The following LRIG1 variants were observed in gnomAD, a reference collection of about 807,000 sequenced individuals.
The protein encoded by LRIG1 is leucine rich repeats and immunoglobulin like domains 1.
A neutral mutation model predicts 99.2 loss-of-function variants in LRIG1; 48 were observed. The observed-to-expected ratio is 0.48, with a 90% CI of 0.38 to 0.62. The LOEUF is 0.62. Ranked by LOEUF, LRIG1 falls within the 20% of genes least tolerant of loss-of-function variation. The probability of loss-of-function intolerance (pLI) is 0.00; values close to 1 mark genes in which losing one functional copy is unlikely to be tolerated. For synonymous variants in LRIG1, 772 were observed against 596.1 expected (o/e 1.29, Z -4.30); for missense variants, 1,646 against 1,434.4 (o/e 1.15, Z -2.38).
At position 66,380,153 on chromosome 3, in the gene LRIG1, A is replaced by T. The variant is rs1214174503; in HGVS notation, c.*110T>A. The T allele has an allele frequency of 2.5e-6, 2 of 797,442 alleles. No individual in the cohort carries two copies. Among genetic ancestry groups the T allele is most frequent in the Non-Finnish European group, 3.9e-6 (2 of 509,042 alleles). The allele number at this position is 797,442 out of a possible 1,614,324, so 49.4% of individuals were successfully genotyped here. A position where few individuals can be genotyped will look rare whatever the true frequency, so the allele number is the denominator to read the frequency against. ...GTGAGCGACTGATACTCCACATGGG[A>T]GTTACAACTATGTACAGATGAGTGA... On this transcript the variant is annotated 3_prime_UTR_variant, in exon 19 of 19. Transcript: ENST00000273261.
intron 1 of LRIG1, among the ~76,000 whole-genome samples, chr3:66,471,320 C>G (rs1700590196): frequency 6.6e-6 from 1 of 152,236 alleles, no homozygotes; most frequent in Non-Finnish European, 1.5e-5. Flanking sequence ...CACTAACTTT[C>G]ACATAGTCCT....
At position 66,383,145 on chromosome 3, in the gene LRIG1, G is replaced by C. The variant is rs140644137; in HGVS notation, c.2328C>G (p.Ser776Arg). 2 of 1,614,260 alleles carry C rather than the reference G, an allele frequency of 1.2e-6. No homozygotes were observed. Among genetic ancestry groups the C allele is most frequent in the African/African-American group, 2.7e-5 (2 of 75,076 alleles). ...SNTLGTERAH[S>R]QLSVLPAAGC... ...CTGCTGCGGGCAGGACGCTCAGCTGGCTGTGAGCTCGCTCCGTGCCCAGGG... is the reference window on the plus strand; with the variant it reads ...CTGCTGCGGGCAGGACGCTCAGCTGCCTGTGAGCTCGCTCCGTGCCCAGGG... The change falls in exon 15 of 19, where the codon AGC becomes AGG. Residue 776 changes from serine to arginine, a missense_variant. By Grantham distance (110) the Ser-to-Arg change is moderately radical (BLOSUM62 -1). Transcript: ENST00000273261.
chr3:66,487,720 G>A (rs1240302491), intron 1 of LRIG1, among the ~76,000 whole-genome samples: 1 of 152,188 alleles, frequency 6.6e-6, no homozygotes, highest in Non-Finnish European at 1.5e-5. Flanking sequence ...GTAACAGGGA[G>A]AGTGTGTGAC....
chr3:66,428,867 C>A (rs906731721), intron 3 of LRIG1, among the ~76,000 whole-genome samples: 6 of 152,234 alleles, frequency 3.9e-5, no homozygotes, highest in African/African-American at 1.4e-4. Flanking sequence ...CTCTCTCTTG[C>A]TTGTTCCCTC....
intron 11 of LRIG1, 140 bp from the exon 12 acceptor site, chr3:66,394,343 A>C: frequency 2.7e-6 from 2 of 729,248 alleles, no homozygotes; most frequent in Non-Finnish European, 4.4e-6. Flanking sequence ...GGTTTTTCTC[A>C]CACTTCCTCT....
chr3:66,381,271 T>A lies in LRIG1; in HGVS notation c.2770+208A>T, dbSNP rs548922955. On this transcript the variant is annotated intron_variant, in intron 17 of 18. Transcript: ENST00000273261. ...GTTGCTTATACATCTAGAAAATTCA[T>A]GCTCAGGCTTACCATGGCGTAGATT... Among the ~76,000 whole-genome samples the A allele has an allele frequency of 2.6e-5, 4 of 152,308 alleles. No individual in the cohort carries two copies. The South Asian group carries it at 8.3e-4, about 32-fold the overall frequency.
chr3:66,380,267 C>T lies in LRIG1; in HGVS notation c.3278G>A (p.Ser1093Asn). The T allele has an allele frequency of 2.5e-6, 4 of 1,610,016 alleles. No homozygotes were observed. Among genetic ancestry groups the T allele is most frequent in the Non-Finnish European group, 3.4e-6 (4 of 1,177,412 alleles). Reference protein sequence around the residue: ...QRVPLLLAPKS With the variant: ...QRVPLLLAPKN Reference sequence around the variant, plus strand: ...AAGAACTGAGGTAGACAAAACCTAGCTTTTTGGTGCCAACAGCAGTGGCAC... The same window carrying T: ...AAGAACTGAGGTAGACAAAACCTAGTTTTTTGGTGCCAACAGCAGTGGCAC... Residue 1093 changes from serine to asparagine, a missense_variant, in exon 19 of 19, where the codon AGC (serine) becomes AAC (asparagine). Ser to Asn is a conservative substitution (Grantham distance 46). Coordinates refer to ENST00000273261, the MANE Select transcript of LRIG1 (RefSeq NM_015541.3).
At chr3:66,422,643 G>A (rs1189963007) in intron 3 of LRIG1, among the ~76,000 whole-genome samples, 1 of 152,128 alleles carries the variant, frequency 6.6e-6, no homozygotes, top group African/African-American at 2.4e-5. Flanking sequence ...ACATCTTCCT[G>A]CCTTCTGAGC....
chr3:66,384,240 T>A lies in LRIG1; in HGVS notation c.1822A>T (p.Ile608Leu). The A allele has an allele frequency of 1.2e-6, 2 of 1,612,842 alleles. No individual in the cohort carries two copies. The highest frequency in any genetic ancestry group is 8.5e-7 in the Non-Finnish European group (1 of 1,178,926). The change falls in exon 14 of 19, where the codon ATA (isoleucine) becomes TTA (leucine). Residue 608 changes from isoleucine to leucine, a missense_variant. By Grantham distance (5) the Ile-to-Leu change is conservative. Transcript: ENST00000273261. ...LPSFTKTPHD[I>L]TIRTTTMARL... ...GCCATGGTGGTGGTCCGGATGGTTATGTCGTGGGGCGTTTTGGTGAATGAT... is the reference window on the plus strand; with the variant it reads ...GCCATGGTGGTGGTCCGGATGGTTAAGTCGTGGGGCGTTTTGGTGAATGAT...
intron 11 of LRIG1, among the ~76,000 whole-genome samples, chr3:66,397,883 A>G (rs12633819): frequency 0.33 from 50,964 of 152,208 alleles, 9,133 homozygotes; most frequent in East Asian, 0.73. Flanking sequence ...GCTTCTGTCA[A>G]TGTGACTTTA....
At chr3:66,494,097 T>C (rs1303127941) in intron 1 of LRIG1, among the ~76,000 whole-genome samples, 2 of 152,134 alleles carry the variant, frequency 1.3e-5, no homozygotes, top group Non-Finnish European at 2.9e-5. Context: ...TACTGAGGCC[T>C]TTAACCTTCA....
At chr3:66,464,272 T>C (rs962546710) in intron 1 of LRIG1, among the ~76,000 whole-genome samples, 10 of 152,026 alleles carry the variant, frequency 6.6e-5, no homozygotes, top group African/African-American at 2.4e-4. Flanking sequence ...GGAAGGGATA[T>C]TAGAGAAATA....
At chr3:66,404,836 A>C (rs528481275) in intron 9 of LRIG1, among the ~76,000 whole-genome samples, 1 of 151,160 alleles carries the variant, frequency 6.6e-6, no homozygotes, top group Non-Finnish European at 1.5e-5. Context: ...CACCTTACTG[A>C]CCTTTACACA....
chr3:66,383,072 C>A lies in LRIG1; in HGVS notation c.2401G>T (p.Val801Leu). Residue 801 changes from valine to leucine, a missense_variant, in exon 15 of 19, where the codon GTG becomes TTG. Transcript: ENST00000273261. ...TTVGIFTIAV[V>L]SSIVLTSLVW... is the part of the protein sequence containing the mutation. ...AGTGACGTCAGGACGATGCTGCTCA[C>A]GACAGCAATGGTGAAGATGCCTACC... 2 of 1,614,214 alleles carry A rather than the reference C, an allele frequency of 1.2e-6. No individual in the cohort carries two copies. The highest frequency in any genetic ancestry group is 1.7e-6 in the Non-Finnish European group (2 of 1,180,030).
chr3:66,465,132 C>T (rs550916411), intron 1 of LRIG1, among the ~76,000 whole-genome samples: 1 of 152,252 alleles, frequency 6.6e-6, no homozygotes, highest in South Asian at 2.1e-4. Flanking sequence ...AGAAGACAGC[C>T]ACCAAGGCTC....
At chr3:66,405,524 G>A (rs1268809333) in intron 8 of LRIG1, among the ~76,000 whole-genome samples, 1 of 152,210 alleles carries the variant, frequency 6.6e-6, no homozygotes, top group African/African-American at 2.4e-5. Context: ...CCTGTCTGCG[G>A]AGGCCACACT....
chr3:66,420,420 A>T (rs1702765216), intron 3 of LRIG1, among the ~76,000 whole-genome samples: 3 of 152,224 alleles, frequency 2.0e-5, no homozygotes, highest in South Asian at 4.1e-4. Flanking sequence ...TTCCTCAAAA[A>T]ATTAAACAGA....
chr3:66,411,615 T>C (rs1039846698), intron 6 of LRIG1, among the ~76,000 whole-genome samples: 4 of 152,152 alleles, frequency 2.6e-5, no homozygotes, highest in African/African-American at 9.7e-5. Flanking sequence ...GGGCTGGTCA[T>C]GCAGAGACGG....
At chr3:66,385,121 G>A (rs755836358) in intron 13 of LRIG1, among the ~76,000 whole-genome samples, 1 of 152,200 alleles carries the variant, frequency 6.6e-6, no homozygotes, top group South Asian at 2.1e-4. Flanking sequence ...GGGTGGGACA[G>A]TAAACTCTTC....
Sources: gnomAD v4.1 joint callset for allele counts (sites outside exome capture counted in the v4.1 genomes callset) on GRCh38, gnomAD v4.1.1 for gene constraint, MANE v1.5 for transcripts, NCBI Gene and HGNC (gene_info 2026-07-23, HGNC 2026-07-21) for gene names.